Variants in FOXP1 observed in about 807,000 individuals in gnomAD.
FOXP1 encodes forkhead box P1, also known as forkhead box protein P1.
FOXP1 carries 15 observed loss-of-function variants against 98.2 expected under a neutral mutation model. The observed-to-expected ratio is 0.15, with a 90% CI of 0.10 to 0.24. The LOEUF is 0.24. FOXP1 is among the 10% of genes least tolerant of loss of function. FOXP1 has a pLI of 1.00. For missense variants in FOXP1, 633 were observed against 848.5 expected (o/e 0.75, Z 3.15); for synonymous variants, 371 against 314.5 (o/e 1.18, Z -1.90).
intron 3 of FOXP1, among the ~76,000 whole-genome samples, chr3:71,387,412 T>C (rs2080675123): frequency 6.6e-6 from 1 of 152,230 alleles, no homozygotes; most frequent in Admixed American, 6.5e-5. Flanking sequence ...AATATTGTAT[T>C]GCTACAATTG....
chr3:70,970,604 C>G, intron 19 of FOXP1, 132 bp downstream of exon 19: 1 of 818,954 alleles, frequency 1.2e-6, no homozygotes, highest in Non-Finnish European at 2.2e-6. Flanking sequence ...GAGTATGATG[C>G]TTTGTGCACT....
intron 7 of FOXP1, among the ~76,000 whole-genome samples, chr3:71,094,278 C>CTTTTTT (rs1180804992): frequency 1.9e-3 from 242 of 127,800 alleles, no homozygotes; most frequent in African/African-American, 3.2e-3. Flanking sequence ...TTTTTCTTTT[C>CTTTTTT]TTTTTTTTTT....
intron 11 of FOXP1, among the ~76,000 whole-genome samples, chr3:71,024,291 C>CTTCT (rs936549355): frequency 2.0e-5 from 3 of 152,134 alleles, no homozygotes; most frequent in African/African-American, 7.2e-5. Context: ...AGCAGATGGG[C>CTTCT]TTCTTATTTC....
At chr3:71,416,211 T>C (rs1288740954) in intron 3 of FOXP1, among the ~76,000 whole-genome samples, 5 of 152,010 alleles carry the variant, frequency 3.3e-5, no homozygotes, top group African/African-American at 2.4e-5. Flanking sequence ...GCAAGTTATA[T>C]GGGTCCAGGA....
rs71120316 is a variant in FOXP1, at chr3:71,345,871, T to TAAAAAAAAAAAAAAAAAAAAAAAAAAAA, written c.-73+13278_-73+13279insTTTTTTTTTTTTTTTTTTTTTTTTTTTT. ...AGGTTTGAAATCAATAAAGTTTTTGTAAAAAAAAAAAAAAAAAAAAAAAAA... is the reference window on the plus strand; with the variant it reads ...AGGTTTGAAATCAATAAAGTTTTTGTAAAAAAAAAAAAAAAAAAAAAAAAAAAAAAAAAAAAAAAAAAAAAAAAAAAAA... On this transcript the variant is annotated intron_variant, in intron 4 of 20. Transcript: ENST00000649528. Among the ~76,000 whole-genome samples, 15 of 55,098 alleles carry TAAAAAAAAAAAAAAAAAAAAAAAAAAAA rather than the reference T, an allele frequency of 2.7e-4. 2 individuals are homozygous for TAAAAAAAAAAAAAAAAAAAAAAAAAAAA. Among genetic ancestry groups the TAAAAAAAAAAAAAAAAAAAAAAAAAAAA allele is most frequent in the Admixed American group, 3.4e-4 (1 of 2,944 alleles). The allele number at this position is 55,098 out of a possible 152,430, so 36.1% of individuals were successfully genotyped here.
At chr3:71,430,713 G>A (rs1341143289) in intron 3 of FOXP1, among the ~76,000 whole-genome samples, 1 of 152,148 alleles carries the variant, frequency 6.6e-6, no homozygotes, top group Non-Finnish European at 1.5e-5. Flanking sequence ...TACCTGCCCA[G>A]ATTCTAGGAA....
At chr3:71,513,548 C>A (rs189928400) in intron 2 of FOXP1, among the ~76,000 whole-genome samples, 1 of 152,294 alleles carries the variant, frequency 6.6e-6, no homozygotes, top group African/African-American at 2.4e-5. Context: ...AACACGGTAG[C>A]AAAAGAGAAC....
intron 6 of FOXP1, among the ~76,000 whole-genome samples, chr3:71,114,973 C>A (rs916196149): frequency 6.6e-6 from 1 of 152,162 alleles, no homozygotes; most frequent in Admixed American, 6.5e-5. Flanking sequence ...GAGCAAAAGC[C>A]TCTTCTCCTA....
At chr3:70,961,222 G>T (rs72960062) in intron 20 of FOXP1, among the ~76,000 whole-genome samples, 7,164 of 151,430 alleles carry the variant, frequency 0.047, 553 homozygotes, top group African/African-American at 0.16. Context: ...TGGCTCTCCA[G>T]CTATTTTATT....
chr3:71,084,931 G>C (rs909190211), intron 7 of FOXP1, among the ~76,000 whole-genome samples: 3 of 152,104 alleles, frequency 2.0e-5, no homozygotes, highest in African/African-American at 7.2e-5. Context: ...TTACCAGGGA[G>C]GATGAGGCAC....
At chr3:71,408,984 T>C (rs1298597978) in intron 3 of FOXP1, among the ~76,000 whole-genome samples, 1 of 152,192 alleles carries the variant, frequency 6.6e-6, no homozygotes, top group Admixed American at 6.5e-5. Flanking sequence ...TGCAGATCAA[T>C]GCTGACATTC....
intron 2 of FOXP1, among the ~76,000 whole-genome samples, chr3:71,561,561 C>A (rs976586006): frequency 6.6e-6 from 1 of 152,272 alleles, no homozygotes; most frequent in African/African-American, 2.4e-5. Context: ...TCAGTTTTCT[C>A]ATCTATAAAA....
intron 6 of FOXP1, chr3:71,130,645 C>T (rs746932231): frequency 8.1e-6 from 13 of 1,597,364 alleles, no homozygotes; most frequent in Non-Finnish European, 1.1e-5. Flanking sequence ...AAGTACTGTG[C>T]GGCTGAAGCA....
intron 2 of FOXP1, among the ~76,000 whole-genome samples, chr3:71,548,370 T>C (rs1409040279): frequency 4.6e-5 from 7 of 152,162 alleles, no homozygotes; most frequent in African/African-American, 1.4e-4. Flanking sequence ...CTAGCATAAT[T>C]CAACGTATTT....
At chr3:71,543,185 T>C (rs1448122491) in intron 2 of FOXP1, among the ~76,000 whole-genome samples, 1 of 152,194 alleles carries the variant, frequency 6.6e-6, no homozygotes, top group African/African-American at 2.4e-5. Flanking sequence ...TATTGAAAAC[T>C]GGCAGTCGCT....
intron 1 of FOXP1, chr3:71,582,327 CAA>C: frequency 1.0e-6 from 1 of 966,676 alleles, no homozygotes. Flanking sequence ...GCGGAGGCAG[CAA>C]ATGACCGCGA....
chr3:71,348,509 G>A (rs2077515087), intron 4 of FOXP1, among the ~76,000 whole-genome samples: 1 of 52,298 alleles, frequency 1.9e-5, no homozygotes, highest in South Asian at 7.4e-4. Context: ...TGTGTTCAGT[G>A]TGTGTGTGTG....
intron 6 of FOXP1, among the ~76,000 whole-genome samples, chr3:71,183,001 TA>T (rs1367902689): frequency 6.6e-6 from 1 of 152,162 alleles, no homozygotes; most frequent in African/African-American, 2.4e-5. Context: ...ATATAATTAA[TA>T]TTATATCAAA....
At chr3:71,101,010 G>A (rs1310251028) in intron 7 of FOXP1, among the ~76,000 whole-genome samples, 2 of 152,118 alleles carry the variant, frequency 1.3e-5, no homozygotes, top group Non-Finnish European at 1.5e-5. Flanking sequence ...AGGGGGTGAC[G>A]GGTTGGAAAA....
Sources: allele counts gnomAD v4.1 joint callset (sites outside exome capture counted in the v4.1 genomes callset), GRCh38; gene constraint gnomAD v4.1.1; transcripts MANE v1.5; gene names NCBI Gene and HGNC (gene_info 2026-07-23, HGNC 2026-07-21).